The following RPP21 variants were observed in gnomAD, a reference collection of about 807,000 sequenced individuals.
The protein encoded by RPP21 is ribonuclease P subunit p21.
A neutral mutation model predicts 19.0 loss-of-function variants in RPP21; 21 were observed. The observed-to-expected ratio is 1.11, with a 90% CI of 0.78 to 1.59. RPP21 has a LOEUF of 1.59. Among genes scored for constraint, RPP21 ranks in the 40% most tolerant of loss-of-function variants. The pLI is 0.00. For missense variants in RPP21, 215 were observed against 200.2 expected (o/e 1.07, Z -0.45); for synonymous variants, 93 against 78.7 (o/e 1.18, Z -0.96).
Position 30,346,484 on chromosome 6 carries a change from C to G in RPP21, c.294C>G (p.Ser98Arg). ...TVQTCLTCQR[S>R]QRFLNDPGHL... ...AGACCTGCCTAACATGCCAGCGCAG[C>G]CAACGCTTCCTCAATGATCCCGGGC... The change falls in exon 4 of 5, where the codon AGC (serine) becomes AGG (arginine). Residue 98 changes from serine to arginine, a missense_variant. Transcript: ENST00000442966. This position sits in a 1 kb window ranked among gnomAD's most constrained non-coding sequence, Gnocchi z 4.7. 1 of 1,614,102 alleles carries G rather than the reference C, an allele frequency of 6.2e-7. No individual in the cohort carries two copies. Among genetic ancestry groups the G allele is most frequent in the Non-Finnish European group, 8.5e-7 (1 of 1,180,016 alleles).
chr6:30,345,321 G>A lies in RPP21; in HGVS notation c.81G>A (p.Gln27=), dbSNP rs889304367. The A allele has an allele frequency of 6.2e-7, 1 of 1,613,606 alleles. No individual in the cohort carries two copies. Among genetic ancestry groups the A allele is most frequent in the Non-Finnish European group, 8.5e-7 (1 of 1,179,944 alleles). The change falls in exon 2 of 5, where the codon CAG becomes CAA. Residue 27 remains glutamine, a synonymous_variant. Coordinates refer to ENST00000442966, the MANE Select transcript of RPP21 (RefSeq NM_024839.4). ...LYQAAHCVLA[Q]DPENQALARF... is the part of the protein sequence containing the mutation. ...AGGCCGCCCATTGTGTCCTTGCCCA[G>A]GACCCCGAGAACCAGGCGCTGGCGA...
Position 30,346,085 on chromosome 6 carries a change from A to G in RPP21, c.242-347A>G. 1 of 255,022 alleles carries G rather than the reference A, an allele frequency of 3.9e-6. No individual in the cohort carries two copies. 15.8% of individuals were successfully genotyped at this position (255,022 alleles called of 1,614,324 possible). On this transcript the variant is annotated intron_variant, in intron 3 of 4. Transcript: ENST00000442966. The surrounding 1 kb of genome is among the most constrained non-coding windows in gnomAD (Gnocchi z 4.7). ...TTATGATAAGCAAAGGGAGTGAGAG[A>G]TGGAAATTCTAGGCATGTGTGCAGA... is the stretch of plus-strand genomic sequence containing the variant.
At chr6:30,345,903 A>G (rs755846206) in intron 3 of RPP21, 14 of 340,832 alleles carry the variant, frequency 4.1e-5, no homozygotes, top group Middle Eastern at 7.9e-4. Flanking sequence ...TTTATTAAGC[A>G]AATACTTATT....
At position 30,346,589 on chromosome 6, in the gene RPP21, C is replaced by G. The variant is rs750983410; in HGVS notation, c.367+32C>G. The G allele has an allele frequency of 6.2e-7, 1 of 1,613,928 alleles. No homozygotes were observed. Among genetic ancestry groups the G allele is most frequent in the South Asian group, 1.1e-5 (1 of 91,054 alleles). On this transcript the variant is annotated intron_variant, in intron 4 of 4. Transcript: ENST00000442966. This position sits in a 1 kb window ranked among gnomAD's most constrained non-coding sequence, Gnocchi z 4.7. ...GGTGAGGGAGAAAATGGAGGACACC[C>G]CAGAGGATAGGGACAATGGAGAACG...
At chr6:30,345,672 C>A (rs1788083279) in intron 3 of RPP21, 99 bp downstream of exon 3, 3 of 1,309,188 alleles carry the variant, frequency 2.3e-6, no homozygotes, top group Non-Finnish European at 3.1e-6. Context: ...GCCTTTCTCA[C>A]TGTAGATGGA....
chr6:30,346,000 T>A lies in RPP21; in HGVS notation c.241+427T>A, dbSNP rs1788120619. Reference sequence around the variant, plus strand: ...GGACAGACTAAGAAACAAAATGGTGTAGAAAAAGATTAACTGGGGGAGTAG... The same window carrying A: ...GGACAGACTAAGAAACAAAATGGTGAAGAAAAAGATTAACTGGGGGAGTAG... On this transcript the variant is annotated intron_variant, in intron 3 of 4. Coordinates refer to ENST00000442966, the MANE Select transcript of RPP21 (RefSeq NM_024839.4). 10 of 230,096 alleles carry A rather than the reference T, an allele frequency of 4.3e-5. No homozygotes were observed. In the South Asian group the frequency reaches 7.1e-4, roughly 16 times the overall value. The allele number at this position is 230,096 out of a possible 1,614,324, so 14.3% of individuals were successfully genotyped here. A position where few individuals can be genotyped will look rare whatever the true frequency, so the allele number is the denominator to read the frequency against.
chr6:30,346,681 T>C lies in RPP21; in HGVS notation c.368-32T>C. ...AGAAGTACCACAGTCAGAAAACTAA[T>C]TCTGTTTCTCTGATTCTGCTCATTT... On this transcript the variant is annotated intron_variant, in intron 4 of 4. Coordinates refer to ENST00000442966, the MANE Select transcript of RPP21 (RefSeq NM_024839.4). The surrounding 1 kb of genome is among the most constrained non-coding windows in gnomAD (Gnocchi z 4.7). 6.2e-7 allele frequency: 1 copy of C among 1,613,924 alleles called. No homozygotes were observed. The highest frequency in any genetic ancestry group is 8.5e-7 in the Non-Finnish European group (1 of 1,179,962).
chr6:30,345,244 G>A lies in RPP21; in HGVS notation c.57+16G>A, dbSNP rs752360812. ...CCTGTACCAGGTGAGTCTGCGACAA[G>A]GGCCCCACGGGGACGGTGCTCGGCG... is the stretch of plus-strand genomic sequence containing the variant. On this transcript the variant is annotated intron_variant, in intron 1 of 4. Coordinates refer to ENST00000442966, the MANE Select transcript of RPP21 (RefSeq NM_024839.4). 6.8e-6 allele frequency: 11 copies of A among 1,611,460 alleles called. No individual in the cohort carries two copies. Among genetic ancestry groups the A allele is most frequent in the African/African-American group, 1.3e-5 (1 of 74,876 alleles).
chr6:30,346,352 G>T lies in RPP21; in HGVS notation c.242-80G>T. ...TGGTGGGGGAGCGGGGATACCTACT[G>T]AAAAACACTGGAGGCAAAACTGGCA... is the stretch of plus-strand genomic sequence containing the variant. On this transcript the variant is annotated intron_variant, in intron 3 of 4. Transcript: ENST00000442966. This position sits in a 1 kb window ranked among gnomAD's most constrained non-coding sequence, Gnocchi z 4.7. 6.4e-7 allele frequency: 1 copy of T among 1,569,446 alleles called. No individual in the cohort carries two copies. Among genetic ancestry groups the T allele is most frequent in the South Asian group, 1.2e-5 (1 of 85,560 alleles).
Position 30,346,619 on chromosome 6 carries a change from G to C in RPP21, c.367+62G>C, listed in dbSNP as rs1788183194. 2 of 1,613,980 alleles carry C rather than the reference G, an allele frequency of 1.2e-6. No individual in the cohort carries two copies. The highest frequency in any genetic ancestry group is 2.2e-5 in the South Asian group (2 of 91,074). ...GGATAGGGACAATGGAGAACGTAGAGTGAAGAGGACACATGGACAGGTTCT... is the reference window on the plus strand; with the variant it reads ...GGATAGGGACAATGGAGAACGTAGACTGAAGAGGACACATGGACAGGTTCT... On this transcript the variant is annotated intron_variant, in intron 4 of 4. Coordinates refer to ENST00000442966, the MANE Select transcript of RPP21 (RefSeq NM_024839.4). This position sits in a 1 kb window ranked among gnomAD's most constrained non-coding sequence, Gnocchi z 4.7.
intron 3 of RPP21, 172 bp downstream of exon 3, chr6:30,345,745 C>A: frequency 2.8e-6 from 2 of 720,920 alleles, no homozygotes; most frequent in African/African-American, 1.8e-5. Flanking sequence ...CCTAACGCCA[C>A]TTGCACAAAC....
Position 30,346,481 on chromosome 6 carries a change from C to A in RPP21, c.291C>A (p.Arg97=). 1 of 1,614,128 alleles carries A rather than the reference C, an allele frequency of 6.2e-7. No homozygotes were observed. The highest frequency in any genetic ancestry group is 8.5e-7 in the Non-Finnish European group (1 of 1,180,024). Residue 97 remains arginine, a synonymous_variant, in exon 4 of 5, where the codon CGC becomes CGA. Coordinates refer to ENST00000442966, the MANE Select transcript of RPP21 (RefSeq NM_024839.4). The surrounding 1 kb of genome is among the most constrained non-coding windows in gnomAD (Gnocchi z 4.7). The part of the protein sequence containing the change: ...WTVQTCLTCQ[R]SQRFLNDPGH... ...TACAGACCTGCCTAACATGCCAGCG[C>A]AGCCAACGCTTCCTCAATGATCCCG...
At position 30,346,255 on chromosome 6, in the gene RPP21, A is replaced by C; in HGVS notation, c.242-177A>C. The C allele has an allele frequency of 8.9e-7, 1 of 1,124,656 alleles. No individual in the cohort carries two copies. The highest frequency in any genetic ancestry group is 1.2e-6 in the Non-Finnish European group (1 of 812,284). The allele number at this position is 1,124,656 out of a possible 1,614,324, so 69.7% of individuals were successfully genotyped here. A position where few individuals can be genotyped will look rare whatever the true frequency, so the allele number is the denominator to read the frequency against. ...GTTAGGGAGTTTGAACTTTATCTTA[A>C]AGAGTTCCAGGAAATCGATGGAGCT... On this transcript the variant is annotated intron_variant, in intron 3 of 4. Coordinates refer to ENST00000442966, the MANE Select transcript of RPP21 (RefSeq NM_024839.4). This position sits in a 1 kb window ranked among gnomAD's most constrained non-coding sequence, Gnocchi z 4.7.
chr6:30,345,362 CTG>C lies in RPP21; in HGVS notation c.123_124del (p.Arg43AspfsTer61). ...GCGCTGGCGAGGTTTTACTGCTACA[CTG>C]AGAGGACCATTGCGAAGCGGCTCGT... On this transcript the variant is annotated frameshift_variant, in exon 2 of 5. Coordinates refer to ENST00000442966, the MANE Select transcript of RPP21 (RefSeq NM_024839.4). LOFTEE classifies it high-confidence loss of function. The C allele has an allele frequency of 6.2e-7, 1 of 1,613,276 alleles. No individual in the cohort carries two copies. The highest frequency in any genetic ancestry group is 8.5e-7 in the Non-Finnish European group (1 of 1,179,908).
chr6:30,346,821 C>T lies in RPP21; in HGVS notation c.*11C>T, dbSNP rs1060068. The T allele has an allele frequency of 0.074, 119,699 of 1,612,172 alleles. 6,100 individuals carry two copies. The highest frequency in any genetic ancestry group is 0.24 in the African/African-American group (17,962 of 74,936). Reference sequence around the variant, plus strand: ...TCCAGTAACCAGTGATGGATTCACCCCATCTCCCAAATAAAGTTTACTTGT... The same window carrying T: ...TCCAGTAACCAGTGATGGATTCACCTCATCTCCCAAATAAAGTTTACTTGT... On this transcript the variant is annotated 3_prime_UTR_variant, in exon 5 of 5. Transcript: ENST00000442966. This position sits in a 1 kb window ranked among gnomAD's most constrained non-coding sequence, Gnocchi z 4.7.
chr6:30,345,266 G>C, intron 1 of RPP21, 32 bp from the exon 2 acceptor site: 2 of 1,613,336 alleles, frequency 1.2e-6, no homozygotes, highest in Non-Finnish European at 1.7e-6. Context: ...GACGGTGCTC[G>C]GCGTCCCAGA....
rs1788181510 is a variant in RPP21 at position 30,346,601 on chromosome 6, G to A, written c.367+44G>A. The A allele has an allele frequency of 2.5e-6, 4 of 1,613,988 alleles. No homozygotes were observed. The highest frequency in any genetic ancestry group is 2.2e-5 in the South Asian group (2 of 91,080). ...AATGGAGGACACCCCAGAGGATAGG[G>A]ACAATGGAGAACGTAGAGTGAAGAG... On this transcript the variant is annotated intron_variant, in intron 4 of 4. Coordinates refer to ENST00000442966, the MANE Select transcript of RPP21 (RefSeq NM_024839.4). The surrounding 1 kb of genome is among the most constrained non-coding windows in gnomAD (Gnocchi z 4.7).
intron 3 of RPP21, chr6:30,345,845 T>A: frequency 2.2e-6 from 1 of 458,442 alleles, no homozygotes; most frequent in South Asian, 3.7e-5. Flanking sequence ...CCATGCACAA[T>A]AATAGATGTT....
chr6:30,345,809 TA>T, intron 3 of RPP21: 1 of 523,246 alleles, frequency 1.9e-6, no homozygotes. Flanking sequence ...GGGCAATAAA[TA>T]ATAACTTTTA....
Sources: gnomAD v4.1 joint callset for allele counts on GRCh38, gnomAD v4.1.1 for gene constraint, Gnocchi (gnomAD v3.1) non-coding constraint, MANE v1.5 for transcripts, NCBI Gene and HGNC (gene_info 2026-07-23, HGNC 2026-07-21) for gene names.